CRPPA: variants seen among roughly 807,000 people sequenced by gnomAD.
The protein encoded by CRPPA is D-ribitol-5-phosphate cytidylyltransferase.
In CRPPA, 43 loss-of-function variants were observed where a neutral mutation model predicts 52.0. The ratio of observed to expected loss-of-function variants is 0.83; its 90% CI spans 0.65 to 1.07. The LOEUF is 1.07. Among genes scored for constraint, CRPPA ranks in the 50% least tolerant of loss-of-function variants. The probability of loss-of-function intolerance (pLI) is 0.00; values close to 1 mark genes in which losing one functional copy is unlikely to be tolerated. For missense variants in CRPPA, 629 were observed against 551.7 expected, an observed-to-expected ratio of 1.14 and a Z score of -1.40; for synonymous variants, 250 against 203.5, an observed-to-expected ratio of 1.23 and a Z score of -1.94.
intron 3 of CRPPA, among the ~76,000 whole-genome samples, chr7:16,320,906 A>G (rs1039299450): frequency 3.3e-5 from 5 of 152,176 alleles, no homozygotes; most frequent in Non-Finnish European, 7.4e-5. Flanking sequence ...TGAGGCTGAT[A>G]ATATAGCTAC....
At chr7:16,292,734 G>A (rs1408983321) in intron 5 of CRPPA, among the ~76,000 whole-genome samples, 1 of 151,842 alleles carries the variant, frequency 6.6e-6, no homozygotes. Context: ...TATATAATGT[G>A]GTTTCATAAA....
rs558956272 is a variant in CRPPA, at chr7:16,341,679, C to T, written c.685-33052G>A. Among the ~76,000 whole-genome samples, 31 of 152,156 alleles carry T rather than the reference C, an allele frequency of 2.0e-4. 2 individuals carry two copies. In the South Asian group the frequency reaches 4.8e-3, roughly 23 times the overall value. On this transcript the variant is annotated intron_variant, in intron 3 of 9. Coordinates refer to ENST00000407010, the MANE Select transcript of CRPPA (RefSeq NM_001101426.4). The stretch of plus-strand genomic sequence containing the variant: ...TTATTTTAGGGACTTTAATTAATAA[C>T]GTGTATTCTGAATCCTCAAATGTGG...
chr7:16,142,224 T>C (rs1304917050), intron 9 of CRPPA, among the ~76,000 whole-genome samples: 2 of 152,138 alleles, frequency 1.3e-5, no homozygotes, highest in Non-Finnish European at 2.9e-5. Context: ...TAATTTTAGG[T>C]TCAGGGCTAC....
At chr7:16,326,652 T>C (rs1785398484) in intron 3 of CRPPA, among the ~76,000 whole-genome samples, 1 of 152,210 alleles carries the variant, frequency 6.6e-6, no homozygotes, top group East Asian at 1.9e-4. Flanking sequence ...TTAAAGAGAT[T>C]CAGTACCTAT....
chr7:16,266,965 T>G (rs1783973257), intron 6 of CRPPA, among the ~76,000 whole-genome samples: 1 of 152,242 alleles, frequency 6.6e-6, no homozygotes, highest in Non-Finnish European at 1.5e-5. Flanking sequence ...GTTCTGTAAC[T>G]ATTAGTGGAA....
intron 8 of CRPPA, among the ~76,000 whole-genome samples, chr7:16,256,260 A>C (rs1261975551): frequency 2.0e-5 from 3 of 152,218 alleles, no homozygotes; most frequent in African/African-American, 7.2e-5. Context: ...TAGAATGGCA[A>C]TCATTAAAAA....
intron 1 of CRPPA, among the ~76,000 whole-genome samples, chr7:16,420,407 G>A (rs1788297299): frequency 6.6e-6 from 1 of 152,048 alleles, no homozygotes; most frequent in Non-Finnish European, 1.5e-5. Flanking sequence ...CACTTCCTCA[G>A]CTCCTCACGA....
intron 6 of CRPPA, among the ~76,000 whole-genome samples, chr7:16,262,979 A>G (rs1783850644): frequency 6.6e-6 from 1 of 152,216 alleles, no homozygotes; most frequent in Non-Finnish European, 1.5e-5. Context: ...GGAAGATTTT[A>G]TGAATGATCT....
At chr7:16,252,237 G>A (rs541900396) in intron 8 of CRPPA, among the ~76,000 whole-genome samples, 1 of 152,246 alleles carries the variant, frequency 6.6e-6, no homozygotes, top group African/African-American at 2.4e-5. Context: ...GGGATGCAAG[G>A]CTGGGTCAAC....
intron 9 of CRPPA, among the ~76,000 whole-genome samples, chr7:16,162,024 G>A (rs1416082515): frequency 1.3e-5 from 2 of 152,094 alleles, no homozygotes; most frequent in African/African-American, 4.8e-5. Flanking sequence ...TATAGGATCA[G>A]TGGTGATCTC....
intron 9 of CRPPA, among the ~76,000 whole-genome samples, chr7:16,172,167 T>C (rs1223133595): frequency 6.6e-6 from 1 of 152,204 alleles, no homozygotes; most frequent in Non-Finnish European, 1.5e-5. Flanking sequence ...TTGCCCACCA[T>C]AGATAAGGCA....
At chr7:16,335,354 C>G (rs1038861420) in intron 3 of CRPPA, among the ~76,000 whole-genome samples, 17 of 151,966 alleles carry the variant, frequency 1.1e-4, no homozygotes, top group Admixed American at 1.3e-4. Flanking sequence ...CTCCTTCCCC[C>G]ACCCTCTGCA....
chr7:16,214,046 A>G (rs887730458), intron 9 of CRPPA, among the ~76,000 whole-genome samples: 1 of 152,230 alleles, frequency 6.6e-6, no homozygotes, highest in Non-Finnish European at 1.5e-5. Flanking sequence ...GGCCAAGCCA[A>G]TAATATAATC....
At chr7:16,115,903 T>C (rs978020876) in intron 9 of CRPPA, among the ~76,000 whole-genome samples, 1 of 152,070 alleles carries the variant, frequency 6.6e-6, no homozygotes, top group African/African-American at 2.4e-5. Flanking sequence ...CAGAAAGACA[T>C]AGATGGCACA....
chr7:16,118,419 C>T (rs180923467), intron 9 of CRPPA, among the ~76,000 whole-genome samples: 1 of 152,292 alleles, frequency 6.6e-6, no homozygotes, highest in Non-Finnish European at 1.5e-5. Flanking sequence ...GAACCCTAGA[C>T]AAGGAGCCAG....
intron 6 of CRPPA, among the ~76,000 whole-genome samples, chr7:16,271,879 C>T (rs1784097726): frequency 1.3e-5 from 2 of 152,180 alleles, no homozygotes; most frequent in African/African-American, 4.8e-5. Flanking sequence ...GTTCAACTCC[C>T]TGTATCTAGT....
chr7:16,144,202 C>G (rs1052919057), intron 9 of CRPPA, among the ~76,000 whole-genome samples: 1 of 152,174 alleles, frequency 6.6e-6, no homozygotes, highest in African/African-American at 2.4e-5. Context: ...CCCACTCCTC[C>G]CCAGTCCTGC....
Position 16,241,985 on chromosome 7 carries a change from G to C in CRPPA, c.1119+16405C>G, listed in dbSNP as rs925692091. On this transcript the variant is annotated intron_variant, in intron 8 of 9. Transcript: ENST00000407010. ...TTTTTTTTTGTTGGGGGGAGATAGA[G>C]TCTCGCTCTGTCACCCAGGCTGGAA... Among the ~76,000 whole-genome samples, 5 of 114,262 alleles carry C rather than the reference G, an allele frequency of 4.4e-5. 1 individual carries two copies. Among genetic ancestry groups the C allele is most frequent in the Non-Finnish European group, 6.9e-5 (4 of 57,560 alleles). The allele number at this position is 114,262 out of a possible 152,430, so 75.0% of individuals were successfully genotyped here.
intron 6 of CRPPA, chr7:16,266,297 G>C (rs1218754998): frequency 6.6e-6 from 1 of 152,096 alleles, no homozygotes; most frequent in Non-Finnish European, 1.5e-5. Flanking sequence ...GTTGGTGGTA[G>C]AAGACATTAT....
Sources: allele counts gnomAD v4.1 joint callset (sites outside exome capture counted in the v4.1 genomes callset), GRCh38; gene constraint gnomAD v4.1.1; transcripts MANE v1.5; gene names NCBI Gene and HGNC (gene_info 2026-07-23, HGNC 2026-07-21).